CABCOCO1: variants seen among roughly 807,000 people sequenced by gnomAD.
CABCOCO1 encodes the protein ciliary associated calcium binding coiled-coil 1.
In CABCOCO1, 28 loss-of-function variants were observed where a neutral mutation model predicts 35.7. The observed-to-expected ratio is 0.78, with a 90% CI of 0.58 to 1.07. The LOEUF is 1.07. CABCOCO1 is among the 50% of genes least tolerant of loss of function. The pLI, the probability that CABCOCO1 is intolerant of heterozygous loss-of-function variation, is 0.00. For synonymous variants in CABCOCO1, 95 were observed against 100.1 expected, an observed-to-expected ratio of 0.95 and a Z score of 0.30; for missense variants, 326 against 309.2, an observed-to-expected ratio of 1.05 and a Z score of -0.41.
At chr10:61,666,427 A>G (rs567195434) in intron 1 of CABCOCO1, among the ~76,000 whole-genome samples, 1 of 152,356 alleles carries the variant, frequency 6.6e-6, no homozygotes, top group Non-Finnish European at 1.5e-5. Context: ...AGAAAACAGT[A>G]CTAATGGACC....
chr10:61,748,754 C>A (rs1304229169), intron 5 of CABCOCO1, among the ~76,000 whole-genome samples: 1 of 152,130 alleles, frequency 6.6e-6, no homozygotes, highest in Non-Finnish European at 1.5e-5. Context: ...TTATTCAAAC[C>A]ACGAAAATAG....
intron 5 of CABCOCO1, among the ~76,000 whole-genome samples, chr10:61,725,979 C>T (rs1382082823): frequency 6.6e-6 from 1 of 152,196 alleles, no homozygotes; most frequent in Middle Eastern, 3.4e-3. Flanking sequence ...TGACACTGTT[C>T]CTCCTTTATC....
Position 61,760,184 on chromosome 10 carries a change from A to G in CABCOCO1, c.675+3A>G, listed in dbSNP as rs751458057. The G allele has an allele frequency of 1.2e-6, 2 of 1,610,642 alleles. No individual in the cohort carries two copies. The highest frequency in any genetic ancestry group is 4.5e-5 in the East Asian group (2 of 44,850). ...CAATATTGGATACGGAAATGAAGGTATATTTCTTTTTGTCTTTCCATTCAC... is the reference window on the plus strand; with the variant it reads ...CAATATTGGATACGGAAATGAAGGTGTATTTCTTTTTGTCTTTCCATTCAC... On this transcript the variant is annotated splice_donor_region_variant and intron_variant, in intron 6 of 7. Transcript: ENST00000648843.
chr10:61,667,392 A>AT lies in CABCOCO1; in HGVS notation c.60+4369dup, dbSNP rs1328261282. Among the ~76,000 whole-genome samples the AT allele has an allele frequency of 2.4e-4, 35 of 148,918 alleles. No homozygotes were observed. In the East Asian group the frequency reaches 3.1e-3, roughly 13 times the overall value. On this transcript the variant is annotated intron_variant, in intron 1 of 7. Coordinates refer to ENST00000648843, the MANE Select transcript of CABCOCO1 (RefSeq NM_001366906.2). ...AAATCTATTTTGGAAAGTTCACTCTATTTTTTTTTCTTGACAAGTATGTCT... is the reference window on the plus strand; with the variant it reads ...AAATCTATTTTGGAAAGTTCACTCTATTTTTTTTTTCTTGACAAGTATGTCT...
At chr10:61,754,329 G>A (rs58570798) in intron 5 of CABCOCO1, among the ~76,000 whole-genome samples, 7,219 of 152,040 alleles carry the variant, frequency 0.047, 325 homozygotes, top group African/African-American at 0.11. Flanking sequence ...GGTATCTGAA[G>A]GACTGCTCTA....
intron 5 of CABCOCO1, among the ~76,000 whole-genome samples, chr10:61,754,873 G>C (rs1841864689): frequency 6.6e-6 from 1 of 152,104 alleles, no homozygotes; most frequent in South Asian, 2.1e-4. Context: ...GTATGCTGTG[G>C]ATAAAAATAG....
intron 2 of CABCOCO1, among the ~76,000 whole-genome samples, chr10:61,677,497 T>A (rs1839550852): frequency 6.6e-6 from 1 of 152,228 alleles, no homozygotes. Flanking sequence ...CCTTTTTCAG[T>A]TATGTTCATT....
Position 61,766,308 on chromosome 10 carries a change from G to C in CABCOCO1, c.*295G>C, listed in dbSNP as rs985862986. ...TTTTATGATAGTCCTTTGACGTTTTGACTAATAAATCCTATTCATCTTCAA... is the reference window on the plus strand; with the variant it reads ...TTTTATGATAGTCCTTTGACGTTTTCACTAATAAATCCTATTCATCTTCAA... On this transcript the variant is annotated 3_prime_UTR_variant, in exon 8 of 8. Coordinates refer to ENST00000648843, the MANE Select transcript of CABCOCO1 (RefSeq NM_001366906.2). 2 of 187,738 alleles carry C rather than the reference G, an allele frequency of 1.1e-5. No individual in the cohort carries two copies. The highest frequency in any genetic ancestry group is 1.1e-5 in the Non-Finnish European group (1 of 90,778). The allele number at this position is 187,738 out of a possible 1,614,324, so 11.6% of individuals were successfully genotyped here.
At chr10:61,683,048 G>T (rs1176801188) in intron 3 of CABCOCO1, among the ~76,000 whole-genome samples, 1 of 151,834 alleles carries the variant, frequency 6.6e-6, no homozygotes. Context: ...GCGCTACCAC[G>T]CCCAGCTAAT....
chr10:61,680,380 C>CAT (rs1313941953), intron 2 of CABCOCO1, among the ~76,000 whole-genome samples: 33 of 119,204 alleles, frequency 2.8e-4, no homozygotes, highest in East Asian at 1.6e-3. Context: ...ATACATATAA[C>CAT]ATATAATATA....
intron 2 of CABCOCO1, among the ~76,000 whole-genome samples, chr10:61,673,817 A>T (rs1839431343): frequency 6.6e-6 from 1 of 152,232 alleles, no homozygotes; most frequent in Non-Finnish European, 1.5e-5. Context: ...AGAGATTTTT[A>T]AGCAAGTATC....
intron 5 of CABCOCO1, among the ~76,000 whole-genome samples, chr10:61,711,649 GAAC>G (rs1017020999): frequency 5.3e-5 from 8 of 151,890 alleles, no homozygotes; most frequent in African/African-American, 1.9e-4. Flanking sequence ...TATATAAGGA[GAAC>G]AACAGAAAAC....
At chr10:61,671,320 G>T (rs987526718) in intron 1 of CABCOCO1, among the ~76,000 whole-genome samples, 1 of 149,946 alleles carries the variant, frequency 6.7e-6, no homozygotes, top group African/African-American at 2.5e-5. Context: ...GTGAGGCTCC[G>T]TCTCAAAAAA....
chr10:61,680,474 A>T (rs1181309600), intron 2 of CABCOCO1, among the ~76,000 whole-genome samples: 1 of 20,006 alleles, frequency 5.0e-5, no homozygotes, highest in African/African-American at 1.8e-4. Flanking sequence ...TATAATATAT[A>T]TTTATATATA....
chr10:61,682,446 A>T (rs1839821656), intron 3 of CABCOCO1, among the ~76,000 whole-genome samples: 1 of 152,188 alleles, frequency 6.6e-6, no homozygotes, highest in African/African-American at 2.4e-5. Flanking sequence ...GCCAAGGAAA[A>T]AGGTGAAGTA....
At chr10:61,687,381 A>G (rs1589122021) in intron 4 of CABCOCO1, among the ~76,000 whole-genome samples, 1 of 152,330 alleles carries the variant, frequency 6.6e-6, no homozygotes, top group East Asian at 1.9e-4. Context: ...GGGTTTGAGA[A>G]TCACTGGGCA....
intron 5 of CABCOCO1, among the ~76,000 whole-genome samples, chr10:61,725,113 G>A (rs867747514): frequency 2.0e-5 from 3 of 152,126 alleles, no homozygotes; most frequent in African/African-American, 4.8e-5. Flanking sequence ...GAAACAACAG[G>A]TGCTGGAGAG....
intron 5 of CABCOCO1, among the ~76,000 whole-genome samples, chr10:61,691,098 G>A (rs1389887692): frequency 1.3e-5 from 2 of 152,140 alleles, no homozygotes; most frequent in African/African-American, 2.4e-5. Context: ...CAAACAAAAG[G>A]TTTAGACAAA....
At chr10:61,702,150 C>G (rs1840475376) in intron 5 of CABCOCO1, among the ~76,000 whole-genome samples, 2 of 152,104 alleles carry the variant, frequency 1.3e-5, no homozygotes. Context: ...GAATATATTT[C>G]AAGTTTAGCA....
Sources: allele counts gnomAD v4.1 joint callset (sites outside exome capture counted in the v4.1 genomes callset), GRCh38; gene constraint gnomAD v4.1.1; transcripts MANE v1.5; gene names NCBI Gene and HGNC (gene_info 2026-07-23, HGNC 2026-07-21).